Variants in THSD7B observed in about 807,000 individuals in gnomAD.
THSD7B encodes thrombospondin type 1 domain containing 7B, also known as thrombospondin type-1 domain-containing protein 7B.
Under a neutral mutation model 213.6 loss-of-function variants are expected in THSD7B, and 138 were observed. The observed-to-expected ratio is 0.65, with a 90% confidence interval of 0.56 to 0.74. THSD7B has a LOEUF of 0.74. Among genes scored for constraint, THSD7B ranks in the 30% least tolerant of loss-of-function variants. THSD7B has a pLI of 0.00. For synonymous variants in THSD7B, 742 were observed against 687.0 expected (o/e 1.08, Z -1.25); for missense variants, 1,931 against 1,991.5 (o/e 0.97, Z 0.58).
intron 1 of THSD7B, among the ~76,000 whole-genome samples, chr2:136,865,046 G>A (rs1573676635): frequency 6.6e-6 from 1 of 152,246 alleles, no homozygotes; most frequent in South Asian, 2.1e-4. Flanking sequence ...TCTGTACTGG[G>A]TTATTACAGT....
chr2:137,369,799 A>G (rs1685503460), intron 12 of THSD7B, among the ~76,000 whole-genome samples: 1 of 152,188 alleles, frequency 6.6e-6, no homozygotes, highest in Admixed American at 6.6e-5. Flanking sequence ...GGTTAAAAAT[A>G]AATTACATTG....
At chr2:137,464,952 C>T (rs1687963383) in intron 15 of THSD7B, among the ~76,000 whole-genome samples, 4 of 151,954 alleles carry the variant, frequency 2.6e-5, no homozygotes, top group Admixed American at 1.3e-4. Context: ...TGTGGTCTCT[C>T]CTGAGACTGA....
chr2:137,586,498 G>A (rs1681731615), intron 17 of THSD7B, among the ~76,000 whole-genome samples: 1 of 152,124 alleles, frequency 6.6e-6, no homozygotes, highest in South Asian at 2.1e-4. Flanking sequence ...CATGTTTAGT[G>A]CTTCCTTCAG....
chr2:137,088,629 G>T (rs563345049), intron 3 of THSD7B, among the ~76,000 whole-genome samples: 9 of 149,718 alleles, frequency 6.0e-5, no homozygotes, highest in South Asian at 2.1e-4. Context: ...AAAAATAGCT[G>T]GGACTTAATT....
intron 10 of THSD7B, among the ~76,000 whole-genome samples, chr2:137,259,347 A>G (rs1428666544): frequency 6.6e-6 from 1 of 152,088 alleles, no homozygotes; most frequent in South Asian, 2.1e-4. Context: ...GCCAGCATCT[A>G]TTGTTTCTTG....
chr2:137,230,971 C>T, intron 7 of THSD7B, 73 bp from the exon 8 acceptor site: 1 of 1,403,254 alleles, frequency 7.1e-7, no homozygotes, highest in Non-Finnish European at 9.7e-7. Context: ...GTACTTTAAA[C>T]TGAAGTAATA....
intron 5 of THSD7B, among the ~76,000 whole-genome samples, chr2:137,132,250 A>C (rs1484954194): frequency 6.6e-6 from 1 of 151,372 alleles, no homozygotes; most frequent in African/African-American, 2.4e-5. Flanking sequence ...GACTTTGCTG[A>C]AGTTGCTTAT....
chr2:137,119,794 A>G (rs1409276992), intron 5 of THSD7B, among the ~76,000 whole-genome samples: 4 of 152,180 alleles, frequency 2.6e-5, no homozygotes, highest in African/African-American at 9.7e-5. Flanking sequence ...TAAGAAAATT[A>G]TGAGTTATCA....
chr2:137,452,066 C>T (rs1687662719), intron 15 of THSD7B: 2 of 945,286 alleles, frequency 2.1e-6, no homozygotes, highest in African/African-American at 3.5e-5. Flanking sequence ...TGTATCAATT[C>T]AAGACCAATC....
chr2:137,472,626 A>G (rs1009340314), intron 15 of THSD7B, among the ~76,000 whole-genome samples: 1 of 152,194 alleles, frequency 6.6e-6, no homozygotes, highest in Admixed American at 6.5e-5. Context: ...AAAGGATATG[A>G]ACAACTTTCA....
At chr2:136,967,708 A>G (rs1249696255) in intron 2 of THSD7B, among the ~76,000 whole-genome samples, 2 of 152,146 alleles carry the variant, frequency 1.3e-5, no homozygotes, top group Non-Finnish European at 2.9e-5. Flanking sequence ...TGTACTCCCA[A>G]TGTGTCTCTT....
chr2:137,074,724 C>A (rs537820880), intron 3 of THSD7B, among the ~76,000 whole-genome samples: 1 of 152,214 alleles, frequency 6.6e-6, no homozygotes, highest in East Asian at 1.9e-4. Context: ...TGGCTGGTTC[C>A]GGTTGTTCCT....
At chr2:137,427,334 A>G (rs1573619411) in intron 14 of THSD7B, among the ~76,000 whole-genome samples, 1 of 152,242 alleles carries the variant, frequency 6.6e-6, no homozygotes, top group African/African-American at 2.4e-5. Flanking sequence ...TCACTATCTC[A>G]AAGAGACGTC....
chr2:137,665,907 T>G (rs1166087512), intron 26 of THSD7B, among the ~76,000 whole-genome samples: 1 of 152,144 alleles, frequency 6.6e-6, no homozygotes, highest in Non-Finnish European at 1.5e-5. Flanking sequence ...GTGAATGATA[T>G]GCACCATTTG....
At chr2:137,170,094 A>C (rs1680215313) in intron 6 of THSD7B, among the ~76,000 whole-genome samples, 1 of 152,148 alleles carries the variant, frequency 6.6e-6, no homozygotes, top group Non-Finnish European at 1.5e-5. Context: ...ATAGCATGTA[A>C]AATACATCTA....
intron 3 of THSD7B, among the ~76,000 whole-genome samples, chr2:137,061,741 A>C (rs937763425): frequency 6.6e-6 from 1 of 151,820 alleles, no homozygotes; most frequent in Non-Finnish European, 1.5e-5. Flanking sequence ...TTCCTTTTAC[A>C]TAGTGTTGGA....
At chr2:137,555,432 G>T (rs185113403) in intron 15 of THSD7B, among the ~76,000 whole-genome samples, 1,811 of 152,318 alleles carry the variant, frequency 0.012, 15 homozygotes, top group Non-Finnish European at 0.019. Context: ...CAGGCAAACA[G>T]GGCCTGGAGT....
chr2:137,584,121 A>G (rs575393674), intron 17 of THSD7B, among the ~76,000 whole-genome samples: 1 of 152,300 alleles, frequency 6.6e-6, no homozygotes, highest in East Asian at 1.9e-4. Flanking sequence ...GAATTCACTC[A>G]TGATTTGGCT....
chr2:137,656,965 T>C lies in THSD7B; in HGVS notation c.4275T>C (p.Cys1425=), dbSNP rs774158399. The C allele has an allele frequency of 6.8e-6, 11 of 1,613,732 alleles. No individual in the cohort carries two copies. Among genetic ancestry groups the C allele is most frequent in the Non-Finnish European group, 9.3e-6 (11 of 1,179,786 alleles). ...AACAGGTTCTAGAAACACGCCCTTG[T>C]ACAGGTACCAAGAGCACTTTTCAGT... The part of the protein sequence containing the change: ...CPQQVLETRP[C]TGGKCYHYTW... The change falls in exon 23 of 28, where the codon TGT becomes TGC. Residue 1425 remains cysteine, a synonymous_variant. Transcript: ENST00000409968.
Sources: gnomAD v4.1 joint callset for allele counts (sites outside exome capture counted in the v4.1 genomes callset) on GRCh38, gnomAD v4.1.1 for gene constraint, MANE v1.5 for transcripts, NCBI Gene and HGNC (gene_info 2026-07-23, HGNC 2026-07-21) for gene names.